Variants in MTO1 observed in about 807,000 individuals in gnomAD.
MTO1 encodes the protein mitochondrial tRNA translation optimization 1, also known as 5-taurinomethyluridine-[tRNA] synthase subunit MTO1, mitochondrial.
MTO1 carries 46 observed loss-of-function variants against 71.6 expected under a neutral mutation model. The observed-to-expected ratio is 0.64, with a 90% CI of 0.51 to 0.82. The LOEUF is 0.82. MTO1 is among the 40% of genes least tolerant of loss of function. The probability of loss-of-function intolerance (pLI) is 0.00; values close to 1 mark genes in which losing one functional copy is unlikely to be tolerated. For synonymous variants in MTO1, 297 were observed against 312.1 expected, an observed-to-expected ratio of 0.95 and a Z score of 0.51; for missense variants, 773 against 867.5, an observed-to-expected ratio of 0.89 and a Z score of 1.37.
chr6:73,496,850 C>T (rs1448205352), intron 10 of MTO1, among the ~76,000 whole-genome samples: 2 of 151,810 alleles, frequency 1.3e-5, no homozygotes, highest in Admixed American at 6.6e-5. Flanking sequence ...GTCAGGAGTT[C>T]GAGACCAGCC....
intron 10 of MTO1, among the ~76,000 whole-genome samples, chr6:73,496,492 T>G (rs1224016043): frequency 6.6e-6 from 1 of 151,804 alleles, no homozygotes; most frequent in Non-Finnish European, 1.5e-5. Context: ...TTTTTAATTA[T>G]TATTATTATA....
At position 73,508,428 on chromosome 6, in the gene MTO1, A is replaced by G. The variant is rs1772346440; in HGVS notation, c.*7693A>G. ...AACAGTAAATTAAGATACATAAAAA[A>G]AAACACTGGCTAAATTTAAAAGGAA... On this transcript the variant is annotated 3_prime_UTR_variant, in exon 12 of 12. Transcript: ENST00000498286. 1 of 152,224 alleles carries G rather than the reference A, an allele frequency of 6.6e-6. No homozygotes were observed. The highest frequency in any genetic ancestry group is 2.4e-5 in the African/African-American group (1 of 41,454). 9.4% of individuals were successfully genotyped at this position (152,224 alleles called of 1,614,324 possible). A position where few individuals can be genotyped will look rare whatever the true frequency, so the allele number is the denominator to read the frequency against.
intron 9 of MTO1, chr6:73,486,839 C>T (rs1186305811): frequency 5.8e-6 from 1 of 172,830 alleles, no homozygotes; most frequent in Non-Finnish European, 1.3e-5. Context: ...TGCCTGGAAT[C>T]CCAGCACTTT....
At chr6:73,482,746 C>T (rs1160704927) in intron 9 of MTO1, 126 bp downstream of exon 9, 10 of 620,580 alleles carry the variant, frequency 1.6e-5, no homozygotes, top group South Asian at 4.0e-5. Flanking sequence ...TTGTTTTTGG[C>T]TTCTTTTCAA....
Position 73,473,360 on chromosome 6 carries a change from T to C in MTO1, c.536-5T>C, listed in dbSNP as rs1771207439. On this transcript the variant is annotated splice_region_variant and splice_polypyrimidine_tract_variant and intron_variant, in intron 3 of 11. Transcript: ENST00000498286. ...ATGACTTTATTCTTTTTTCTTGTTATTTAGTGGATGGAAGCACAGTATATG... is the reference window on the plus strand; with the variant it reads ...ATGACTTTATTCTTTTTTCTTGTTACTTAGTGGATGGAAGCACAGTATATG... 1 of 1,597,294 alleles carries C rather than the reference T, an allele frequency of 6.3e-7. No individual in the cohort carries two copies. Among genetic ancestry groups the C allele is most frequent in the Non-Finnish European group, 8.5e-7 (1 of 1,171,216 alleles).
In MTO1 at chr6:73,482,527, T is replaced by C; in HGVS notation, c.1544T>C (p.Ile515Thr). 1 of 1,612,950 alleles carries C rather than the reference T, an allele frequency of 6.2e-7. No homozygotes were observed. The highest frequency in any genetic ancestry group is 8.5e-7 in the Non-Finnish European group (1 of 1,179,794). ...CWMKSSLEEG[I>T]SVLKSIEFLS... is the part of the protein sequence containing the mutation. The stretch of plus-strand genomic sequence containing the variant: ...ATGAAGTCTTCTTTAGAAGAAGGCA[T>C]TTCTGTGTTGAAATCTATTGAGTTT... Residue 515 changes from isoleucine to threonine, a missense_variant, in exon 9 of 12, where the codon ATT becomes ACT. Physicochemically the swap from Ile to Thr is moderately conservative, Grantham distance 89 (BLOSUM62 -1). Coordinates refer to ENST00000498286, the MANE Select transcript of MTO1 (RefSeq NM_012123.4).
intron 1 of MTO1, 99 bp downstream of exon 1, chr6:73,462,170 G>T (rs754303031): frequency 1.1e-5 from 14 of 1,308,288 alleles, no homozygotes; most frequent in Non-Finnish European, 1.5e-5. Context: ...TTTCCTCAAA[G>T]CTAGTGAGAA....
At chr6:73,481,516 C>T (rs184778605) in intron 7 of MTO1, among the ~76,000 whole-genome samples, 2 of 152,064 alleles carry the variant, frequency 1.3e-5, no homozygotes, top group South Asian at 2.1e-4. Context: ...CCTGTAATCC[C>T]AGCACTCTGG....
chr6:73,462,009 C>T lies in MTO1; in HGVS notation c.155C>T (p.Ala52Val). Reference sequence around the variant, plus strand: ...GGAGGACATGCCGGGACTGAGGCAGCCACCGCCGCCGCTCGGTGCGGCTCT... The same window carrying T: ...GGAGGACATGCCGGGACTGAGGCAGTCACCGCCGCCGCTCGGTGCGGCTCT... ...IGGGHAGTEAATAAARCGSRT... is the reference protein window; with the variant it reads ...IGGGHAGTEAVTAAARCGSRT... The change falls in exon 1 of 12, where the codon GCC becomes GTC. Residue 52 changes from alanine (A) to valine (V), a missense_variant. Coordinates refer to ENST00000498286, the MANE Select transcript of MTO1 (RefSeq NM_012123.4). 8 of 1,613,642 alleles carry T rather than the reference C, an allele frequency of 5.0e-6. No individual in the cohort carries two copies. The highest frequency in any genetic ancestry group is 6.8e-6 in the Non-Finnish European group (8 of 1,179,884).
intron 5 of MTO1, 38 bp from the exon 6 acceptor site, chr6:73,479,896 CTT>C: frequency 6.2e-7 from 1 of 1,603,274 alleles, no homozygotes; most frequent in Non-Finnish European, 8.5e-7. Flanking sequence ...CGTCAATCCT[CTT>C]TTGTTCATTT....
intron 3 of MTO1, among the ~76,000 whole-genome samples, chr6:73,467,255 A>G (rs978277083): frequency 2.6e-5 from 4 of 152,128 alleles, no homozygotes; most frequent in African/African-American, 9.7e-5. Flanking sequence ...TTGAGACTTC[A>G]GTGAGCTGTG....
In MTO1 at chr6:73,462,346, T is replaced by G. The variant is rs551702307; in HGVS notation, c.217+275T>G. The stretch of plus-strand genomic sequence containing the variant: ...GGGTCAGTGCCTTGGGAAAGGGAGC[T>G]ACCAACTACTCGCTGGTAGCTTCTT... On this transcript the variant is annotated intron_variant, in intron 1 of 11. Coordinates refer to ENST00000498286, the MANE Select transcript of MTO1 (RefSeq NM_012123.4). 0.19 allele frequency: 98,953 copies of G among 519,500 alleles called. 9,799 individuals carry two copies. The highest frequency in any genetic ancestry group is 0.26 in the African/African-American group (13,571 of 52,760). The allele number at this position is 519,500 out of a possible 1,614,324, so 32.2% of individuals were successfully genotyped here. A position where few individuals can be genotyped will look rare whatever the true frequency, so the allele number is the denominator to read the frequency against.
chr6:73,492,418 C>A, intron 10 of MTO1, 66 bp downstream of exon 10: 1 of 1,079,432 alleles, frequency 9.3e-7, no homozygotes, highest in Non-Finnish European at 1.4e-6. Context: ...GACAACAGAT[C>A]CATTATTACT....
intron 9 of MTO1, 31 bp downstream of exon 9, chr6:73,482,651 T>G: frequency 6.5e-7 from 1 of 1,532,718 alleles, no homozygotes; most frequent in South Asian, 1.2e-5. Context: ...CCTTTCTCAC[T>G]TTTTATAGAA....
chr6:73,492,435 C>T, intron 10 of MTO1, 83 bp downstream of exon 10: 1 of 941,456 alleles, frequency 1.1e-6, no homozygotes, highest in South Asian at 1.4e-5. Context: ...TACTGTTGGA[C>T]CAGCACAGTG....
intron 11 of MTO1, among the ~76,000 whole-genome samples, chr6:73,499,337 C>T (rs1405852341): frequency 6.6e-6 from 1 of 151,838 alleles, no homozygotes; most frequent in African/African-American, 2.4e-5. Flanking sequence ...GATAGCCACT[C>T]GCCAATTGTG....
intron 4 of MTO1, among the ~76,000 whole-genome samples, chr6:73,474,140 T>C (rs1474273074): frequency 6.6e-6 from 1 of 151,778 alleles, no homozygotes; most frequent in Non-Finnish European, 1.5e-5. Flanking sequence ...TCACCCAGAC[T>C]GGAGAGCAGT....
chr6:73,497,888 C>T lies in MTO1; in HGVS notation c.1909C>T (p.Pro637Ser). Reference protein sequence around the residue: ...EVREKLHFSRPQTIGAASRIP... With the variant: ...EVREKLHFSRSQTIGAASRIP... Reference sequence around the variant, plus strand: ...TCGAGAGAAACTACATTTTAGTCGTCCACAGACGGTAAGAAAATAGGCAGG... The same window carrying T: ...TCGAGAGAAACTACATTTTAGTCGTTCACAGACGGTAAGAAAATAGGCAGG... The change falls in exon 11 of 12, where the codon CCA (proline) becomes TCA (serine). Residue 637 changes from proline to serine, a missense_variant. Coordinates refer to ENST00000498286, the MANE Select transcript of MTO1 (RefSeq NM_012123.4). The T allele has an allele frequency of 6.2e-7, 1 of 1,608,572 alleles. No individual in the cohort carries two copies. Among genetic ancestry groups the T allele is most frequent in the Non-Finnish European group, 8.5e-7 (1 of 1,176,018 alleles).
chr6:73,482,113 G>A lies in MTO1; in HGVS notation c.1334G>A (p.Gly445Asp), dbSNP rs202008685. Residue 445 changes from glycine to aspartate, a missense_variant, in exon 8 of 12, where the codon GGT (glycine) becomes GAT (aspartate). Coordinates refer to ENST00000498286, the MANE Select transcript of MTO1 (RefSeq NM_012123.4). ...KPPFVVSRTE[G>D]YIGVLIDDLT... The stretch of plus-strand genomic sequence containing the variant: ...CCCTTTGTGGTTAGCCGAACAGAAG[G>A]TTACATAGGAGTCTTGATTGATGAC... The A allele has an allele frequency of 1.9e-6, 3 of 1,614,176 alleles. No individual in the cohort carries two copies. In the South Asian group the frequency reaches 3.3e-5, roughly 18 times the overall value.
Sources: gnomAD v4.1 joint callset for allele counts (sites outside exome capture counted in the v4.1 genomes callset) on GRCh38, gnomAD v4.1.1 for gene constraint, MANE v1.5 for transcripts, NCBI Gene and HGNC (gene_info 2026-07-23, HGNC 2026-07-21) for gene names.